FOXP1: variants seen among roughly 807,000 people sequenced by gnomAD.
FOXP1 encodes forkhead box protein P1.
In FOXP1, 15 loss-of-function variants were observed where a neutral mutation model predicts 98.2. That is an observed-to-expected ratio of 0.15 (90% CI 0.10 to 0.24). The LOEUF is 0.24. Among genes scored for constraint, FOXP1 ranks in the 10% least tolerant of loss-of-function variants. The pLI is 1.00. For missense variants in FOXP1, 633 were observed against 848.5 expected (o/e 0.75, Z 3.15); for synonymous variants, 371 against 314.5 (o/e 1.18, Z -1.90).
chr3:71,563,159 G>A (rs1169918697), intron 2 of FOXP1, among the ~76,000 whole-genome samples: 1 of 152,152 alleles, frequency 6.6e-6, no homozygotes, highest in African/African-American at 2.4e-5. Flanking sequence ...CAAGCTGAAG[G>A]AAAAGGAACA....
intron 3 of FOXP1, among the ~76,000 whole-genome samples, chr3:71,423,188 A>C (rs1249986999): frequency 6.6e-6 from 1 of 152,240 alleles, no homozygotes; most frequent in African/African-American, 2.4e-5. Context: ...ATGAATCCAC[A>C]CAGCACCTAC....
intron 20 of FOXP1, among the ~76,000 whole-genome samples, chr3:70,963,500 G>A (rs1264616798): frequency 6.6e-6 from 1 of 152,120 alleles, no homozygotes; most frequent in Non-Finnish European, 1.5e-5. Flanking sequence ...TGGAAGTTAG[G>A]GCTGTGTATG....
intron 3 of FOXP1, among the ~76,000 whole-genome samples, chr3:71,448,979 C>T (rs981823853): frequency 1.3e-5 from 2 of 152,138 alleles, no homozygotes; most frequent in African/African-American, 4.8e-5. Flanking sequence ...CCAATGAAAT[C>T]AAAGAACAAA....
intron 3 of FOXP1, among the ~76,000 whole-genome samples, chr3:71,475,458 C>T (rs2089746597): frequency 6.6e-6 from 1 of 152,108 alleles, no homozygotes; most frequent in Non-Finnish European, 1.5e-5. Context: ...GGTCTGGAGG[C>T]ACAAATCAAA....
chr3:71,467,930 C>T (rs2088938735), intron 3 of FOXP1, among the ~76,000 whole-genome samples: 2 of 152,184 alleles, frequency 1.3e-5, no homozygotes, highest in African/African-American at 4.8e-5. Context: ...CAAGGTTCCA[C>T]AGATTCCAAT....
intron 6 of FOXP1, among the ~76,000 whole-genome samples, chr3:71,146,783 A>G (rs980103851): frequency 2.6e-5 from 4 of 152,266 alleles, no homozygotes; most frequent in Non-Finnish European, 4.4e-5. Flanking sequence ...GCTAGAACAT[A>G]GAATTAATAT....
At chr3:71,553,656 T>C (rs1415045853) in intron 2 of FOXP1, among the ~76,000 whole-genome samples, 2 of 152,224 alleles carry the variant, frequency 1.3e-5, no homozygotes, top group South Asian at 2.1e-4. Context: ...CTTTGAGTTA[T>C]TAAAATTTCC....
chr3:71,228,635 T>C (rs186958432), intron 5 of FOXP1, among the ~76,000 whole-genome samples: 1 of 152,332 alleles, frequency 6.6e-6, no homozygotes, highest in African/African-American at 2.4e-5. Context: ...GGTCATTATG[T>C]TGGAGGTCTG....
chr3:71,080,628 G>A (rs1475574290), intron 7 of FOXP1, among the ~76,000 whole-genome samples: 3 of 152,194 alleles, frequency 2.0e-5, no homozygotes, highest in Admixed American at 2.0e-4. Flanking sequence ...CCCAGCTGAT[G>A]GCTTTCTGCC....
chr3:71,308,861 A>G (rs2074491962), intron 4 of FOXP1, among the ~76,000 whole-genome samples: 1 of 151,414 alleles, frequency 6.6e-6, no homozygotes. Context: ...TCGGTGATAA[A>G]ATATCACCCC....
intron 7 of FOXP1, among the ~76,000 whole-genome samples, chr3:71,092,045 G>A (rs902086736): frequency 2.6e-5 from 4 of 151,990 alleles, no homozygotes; most frequent in Admixed American, 6.6e-5. Context: ...AAAATTAGCC[G>A]GGCATGGTGG....
intron 6 of FOXP1, among the ~76,000 whole-genome samples, chr3:71,171,654 C>T (rs865878172): frequency 1.3e-4 from 20 of 152,224 alleles, no homozygotes; most frequent in African/African-American, 4.8e-4. Context: ...TCTCTTACCT[C>T]CTCTGTCCTT....
intron 2 of FOXP1, among the ~76,000 whole-genome samples, chr3:71,502,037 T>C (rs1032646913): frequency 1.3e-5 from 2 of 152,208 alleles, no homozygotes; most frequent in Admixed American, 6.5e-5. Flanking sequence ...GAAGGCTCTT[T>C]TGGGGAGCCA....
chr3:71,429,189 G>A (rs1361756591), intron 3 of FOXP1, among the ~76,000 whole-genome samples: 2 of 152,122 alleles, frequency 1.3e-5, no homozygotes, highest in Non-Finnish European at 2.9e-5. Context: ...CCTCGCCCAT[G>A]GGTGGGGGCA....
chr3:71,456,945 G>A (rs746112945), intron 3 of FOXP1, among the ~76,000 whole-genome samples: 1 of 151,996 alleles, frequency 6.6e-6, no homozygotes, highest in Non-Finnish European at 1.5e-5. Context: ...TCTGAGAGAT[G>A]TGTCATTTAC....
At chr3:71,021,039 C>T (rs1287067167) in intron 11 of FOXP1, among the ~76,000 whole-genome samples, 1 of 152,182 alleles carries the variant, frequency 6.6e-6, no homozygotes, top group Non-Finnish European at 1.5e-5. Context: ...ATACATTTTT[C>T]AAGTTTTACT....
intron 6 of FOXP1, among the ~76,000 whole-genome samples, chr3:71,197,638 T>TA (rs1357629557): frequency 5.9e-5 from 9 of 152,294 alleles, no homozygotes; most frequent in African/African-American, 2.2e-4. Context: ...GGAACATATG[T>TA]AAATACTCTA....
chr3:71,487,143 A>C (rs939483423), intron 3 of FOXP1, among the ~76,000 whole-genome samples: 1 of 152,142 alleles, frequency 6.6e-6, no homozygotes, highest in Non-Finnish European at 1.5e-5. Flanking sequence ...CGTCTTTTCC[A>C]AAGTTACGCA....
intron 2 of FOXP1, among the ~76,000 whole-genome samples, chr3:71,554,042 G>A (rs1007360219): frequency 6.6e-6 from 1 of 152,036 alleles, no homozygotes; most frequent in African/African-American, 2.4e-5. Context: ...ACCACAATAT[G>A]TTCTCCACCA....
Sources: allele counts gnomAD v4.1 joint callset (sites outside exome capture counted in the v4.1 genomes callset), GRCh38; gene constraint gnomAD v4.1.1; transcripts MANE v1.5; gene names NCBI Gene and HGNC (gene_info 2026-07-23, HGNC 2026-07-21).